Variants in WDR7 observed in about 807,000 individuals in gnomAD.
WDR7 encodes the protein WD repeat domain 7.
A neutral mutation model predicts 169.4 loss-of-function variants in WDR7; 46 were observed. That is an observed-to-expected ratio of 0.27 (90% CI 0.21 to 0.35). The LOEUF is 0.35. Ranked by LOEUF, WDR7 falls within the 10% of genes least tolerant of loss-of-function variation. The pLI is 1.00. For synonymous variants in WDR7, 612 were observed against 666.8 expected (o/e 0.92, Z 1.27); for missense variants, 1,534 against 1,859.3 (o/e 0.83, Z 3.22).
rs1452743805 is a variant in WDR7, at chr18:57,027,850, CT to C, written c.*645del. 6.6e-6 allele frequency: 1 copy of C among 152,394 alleles called. No individual in the cohort carries two copies. Among genetic ancestry groups the C allele is most frequent in the Non-Finnish European group, 1.5e-5 (1 of 68,134 alleles). 9.4% of individuals were successfully genotyped at this position (152,394 alleles called of 1,614,324 possible). A position where few individuals can be genotyped will look rare whatever the true frequency, so the allele number is the denominator to read the frequency against. ...TAATTATGTACACAAAAATATTTTC[CT>C]TGTAGAAAATAGTTTTCCAGACACT... On this transcript the variant is annotated 3_prime_UTR_variant, in exon 28 of 28. Transcript: ENST00000254442.
intron 9 of WDR7, among the ~76,000 whole-genome samples, chr18:56,693,847 C>T (rs1411562332): frequency 6.6e-6 from 1 of 152,022 alleles, no homozygotes; most frequent in Non-Finnish European, 1.5e-5. Context: ...GCTGGCATTA[C>T]AGGCATGAGC....
At chr18:56,900,988 A>T (rs1056552712) in intron 21 of WDR7, among the ~76,000 whole-genome samples, 1 of 152,240 alleles carries the variant, frequency 6.6e-6, no homozygotes, top group Non-Finnish European at 1.5e-5. Flanking sequence ...TAGAGCTGAG[A>T]TACTATACAT....
intron 26 of WDR7, among the ~76,000 whole-genome samples, chr18:56,969,571 C>T (rs79171709): frequency 0.065 from 9,906 of 152,132 alleles, 338 homozygotes; most frequent in African/African-American, 0.084. Context: ...AATGTCTCAC[C>T]GAGTAAATAC....
At chr18:56,752,788 T>G (rs2043817421) in intron 14 of WDR7, among the ~76,000 whole-genome samples, 1 of 152,278 alleles carries the variant, frequency 6.6e-6, no homozygotes, top group Non-Finnish European at 1.5e-5. Flanking sequence ...CTTGAAAAAT[T>G]TGTAAGTAAT....
chr18:56,775,446 G>A (rs1239186133), intron 16 of WDR7, among the ~76,000 whole-genome samples: 1 of 152,074 alleles, frequency 6.6e-6, no homozygotes, highest in Non-Finnish European at 1.5e-5. Context: ...CTGGAATATA[G>A]AAATATTTGG....
intron 1 of WDR7, among the ~76,000 whole-genome samples, chr18:56,663,298 C>T (rs552308964): frequency 1.8e-4 from 28 of 151,572 alleles, no homozygotes; most frequent in Non-Finnish European, 2.8e-4. Flanking sequence ...AAATGCAGTG[C>T]ATAAAACTTG....
intron 19 of WDR7, among the ~76,000 whole-genome samples, chr18:56,802,111 G>A (rs1291801506): frequency 6.6e-6 from 1 of 152,116 alleles, no homozygotes; most frequent in African/African-American, 2.4e-5. Flanking sequence ...ATCTTTGTCA[G>A]CATCTCATAT....
intron 1 of WDR7, among the ~76,000 whole-genome samples, chr18:56,664,278 A>T (rs1216781261): frequency 6.6e-6 from 1 of 152,188 alleles, no homozygotes; most frequent in Non-Finnish European, 1.5e-5. Flanking sequence ...ACTAGAGTAC[A>T]TGAGGCCTTT....
At chr18:56,971,817 G>A (rs1243306443) in intron 26 of WDR7, among the ~76,000 whole-genome samples, 1 of 152,162 alleles carries the variant, frequency 6.6e-6, no homozygotes, top group Non-Finnish European at 1.5e-5. Context: ...TGTGTCCCCT[G>A]ATGTGTGTGA....
intron 14 of WDR7, among the ~76,000 whole-genome samples, chr18:56,739,608 T>C (rs2043582413): frequency 1.3e-5 from 2 of 152,184 alleles, no homozygotes; most frequent in South Asian, 4.1e-4. Context: ...TTTCTTTTAG[T>C]ACAAGTTTAT....
Position 56,938,578 on chromosome 18 carries a change from A to C in WDR7, c.3877A>C (p.Asn1293His). The C allele has an allele frequency of 6.2e-7, 1 of 1,613,968 alleles. No homozygotes were observed. The highest frequency in any genetic ancestry group is 8.5e-7 in the Non-Finnish European group (1 of 1,179,906). Reference sequence around the variant, plus strand: ...TGCAGCAAATACCCAATCACAGCAGAATATGCACACAACAACTCTTGCACG... The same window carrying C: ...TGCAGCAAATACCCAATCACAGCAGCATATGCACACAACAACTCTTGCACG... Reference protein sequence around the residue: ...ALAANTQSQQNMHTTTLARAK... With the variant: ...ALAANTQSQQHMHTTTLARAK... The change falls in exon 24 of 28, where the codon AAT becomes CAT. Residue 1293 changes from asparagine to histidine, a missense_variant. Transcript: ENST00000254442.
At chr18:56,819,480 A>G (rs2045046939) in intron 20 of WDR7, among the ~76,000 whole-genome samples, 1 of 152,168 alleles carries the variant, frequency 6.6e-6, no homozygotes, top group South Asian at 2.1e-4. Context: ...AGTTTTACTT[A>G]GCGTTCTGTC....
Position 56,918,602 on chromosome 18 carries a change from TAGTA to T in WDR7, c.3527-5317_3527-5314del, listed in dbSNP as rs72328459. Reference sequence around the variant, plus strand: ...TGGTAAGAAAATCACCTCACCGAAATAGTAAGACCATACCGCAGAATAAGCACTC... The same window carrying T: ...TGGTAAGAAAATCACCTCACCGAAATAGACCATACCGCAGAATAAGCACTC... On this transcript the variant is annotated intron_variant, in intron 21 of 27. Transcript: ENST00000254442. 7.4e-3 allele frequency among the ~76,000 whole-genome samples: 1,132 copies of T among 152,214 alleles called. 11 individuals carry two copies. Among genetic ancestry groups the T allele is most frequent in the African/African-American group, 0.026 (1,082 of 41,538 alleles).
intron 26 of WDR7, among the ~76,000 whole-genome samples, chr18:56,998,332 C>G (rs2047928343): frequency 6.6e-6 from 1 of 152,138 alleles, no homozygotes; most frequent in South Asian, 2.1e-4. Context: ...TGCCATCTCT[C>G]TGCACATATA....
chr18:56,805,925 C>T (rs1303374220), intron 19 of WDR7, among the ~76,000 whole-genome samples: 1 of 152,122 alleles, frequency 6.6e-6, no homozygotes, highest in African/African-American at 2.4e-5. Context: ...TGTTTATGCT[C>T]CTGCTACCCG....
chr18:56,749,221 A>G (rs2043750386), intron 14 of WDR7, among the ~76,000 whole-genome samples: 1 of 152,108 alleles, frequency 6.6e-6, no homozygotes, highest in Non-Finnish European at 1.5e-5. Context: ...AAATATTATT[A>G]GGCAATAAAC....
chr18:56,889,590 T>TTG (rs1365094280), intron 21 of WDR7, among the ~76,000 whole-genome samples: 1 of 152,208 alleles, frequency 6.6e-6, no homozygotes, highest in East Asian at 1.9e-4. Context: ...AGACAATAAA[T>TTG]TGAGGGCATA....
intron 25 of WDR7, among the ~76,000 whole-genome samples, chr18:56,958,033 C>A (rs1295028455): frequency 6.6e-6 from 1 of 152,028 alleles, no homozygotes; most frequent in Non-Finnish European, 1.5e-5. Flanking sequence ...ATTTGCAGGC[C>A]ATTTTTGATA....
chr18:56,819,341 A>G (rs1041960971), intron 20 of WDR7, among the ~76,000 whole-genome samples: 1 of 152,192 alleles, frequency 6.6e-6, no homozygotes, highest in African/African-American at 2.4e-5. Flanking sequence ...GATTGATACA[A>G]TTTAAATCTT....
Sources: allele counts gnomAD v4.1 joint callset (sites outside exome capture counted in the v4.1 genomes callset), GRCh38; gene constraint gnomAD v4.1.1; transcripts MANE v1.5; gene names NCBI Gene and HGNC (gene_info 2026-07-23, HGNC 2026-07-21).